The following CUEDC2 variants were observed in gnomAD, a reference collection of about 807,000 sequenced individuals.
CUEDC2 encodes CUE domain-containing protein 2.
Under a neutral mutation model 36.0 loss-of-function variants are expected in CUEDC2, and 10 were observed. The observed-to-expected ratio is 0.28, with a 90% CI of 0.17 to 0.47. The LOEUF is 0.47. Ranked by LOEUF, CUEDC2 falls within the 20% of genes least tolerant of loss-of-function variation. The pLI is 0.99. For synonymous variants in CUEDC2, 133 were observed against 141.8 expected, an observed-to-expected ratio of 0.94 and a Z score of 0.44; for missense variants, 269 against 368.1, an observed-to-expected ratio of 0.73 and a Z score of 2.20.
intron 1 of CUEDC2, among the ~76,000 whole-genome samples, chr10:102,432,224 G>A (rs915516676): frequency 2.0e-5 from 3 of 152,202 alleles, no homozygotes; most frequent in African/African-American, 7.2e-5. Flanking sequence ...ACAGGAAGTG[G>A]GACCGCGATG....
chr10:102,432,430 G>GC, intron 1 of CUEDC2, 96 bp downstream of exon 1: 1 of 152,524 alleles, frequency 6.6e-6, no homozygotes, highest in Non-Finnish European at 1.5e-5. Context: ...CGGGCCCCGG[G>GC]GGGGGTACCG....
In CUEDC2 at chr10:102,423,929, G is replaced by T; in HGVS notation, c.594+67C>A. On this transcript the variant is annotated intron_variant, in intron 6 of 8. Coordinates refer to ENST00000369937, the MANE Select transcript of CUEDC2 (RefSeq NM_024040.3). The surrounding 1 kb of genome is among the most constrained non-coding windows in gnomAD (Gnocchi z 5.6). ...GGGAAACAGATGGGGATAGGTAGGG[G>T]TTGGGGCTTAACACCAAGGTGGAAT... 5 of 1,601,942 alleles carry T rather than the reference G, an allele frequency of 3.1e-6. No individual in the cohort carries two copies. Among genetic ancestry groups the T allele is most frequent in the Non-Finnish European group, 4.3e-6 (5 of 1,173,602 alleles).
intron 1 of CUEDC2, among the ~76,000 whole-genome samples, chr10:102,430,260 C>T (rs2061612310): frequency 1.3e-5 from 2 of 151,510 alleles, no homozygotes; most frequent in Non-Finnish European, 2.9e-5. Context: ...CCTCCACCTC[C>T]TGGGTTCAAG....
At chr10:102,427,384 C>G (rs1432009153) in intron 1 of CUEDC2, among the ~76,000 whole-genome samples, 2 of 152,200 alleles carry the variant, frequency 1.3e-5, no homozygotes, top group African/African-American at 4.8e-5. Flanking sequence ...GAGCTACAGG[C>G]TTGGACATCT....
rs2061582817 is a variant in CUEDC2, at chr10:102,423,429, A to G, written c.861T>C (p.His287=). ...NLKPARKYRF[H] ...CGGGCAGAGTCCGGCGAGTGCCTCAATGGAAGCGGTACTTTCTGGCTGGCT... is the reference window on the plus strand; with the variant it reads ...CGGGCAGAGTCCGGCGAGTGCCTCAGTGGAAGCGGTACTTTCTGGCTGGCT... Residue 287 remains histidine, a synonymous_variant, in exon 9 of 9, where the codon CAT becomes CAC. Coordinates refer to ENST00000369937, the MANE Select transcript of CUEDC2 (RefSeq NM_024040.3). The surrounding 1 kb of genome is among the most constrained non-coding windows in gnomAD (Gnocchi z 5.6). The G allele has an allele frequency of 1.2e-6, 2 of 1,614,210 alleles. No individual in the cohort carries two copies. The highest frequency in any genetic ancestry group is 1.7e-6 in the Non-Finnish European group (2 of 1,180,026).
chr10:102,425,771 G>A (rs1246191203), intron 1 of CUEDC2, among the ~76,000 whole-genome samples: 1 of 151,930 alleles, frequency 6.6e-6, no homozygotes, highest in Non-Finnish European at 1.5e-5. Flanking sequence ...AGGACTATCT[G>A]CACAGCACTT....
At position 102,424,210 on chromosome 10, in the gene CUEDC2, CT is replaced by C. The variant is rs770583891; in HGVS notation, c.412-33del. ...GTACAAACGTTAACAAGAGGCAATA[CT>C]CCCCCCTTTCCAGCCCCCTGGGTCC... is the stretch of plus-strand genomic sequence containing the variant. On this transcript the variant is annotated intron_variant, in intron 5 of 8. Transcript: ENST00000369937. The surrounding 1 kb of genome is among the most constrained non-coding windows in gnomAD (Gnocchi z 4.2). The C allele has an allele frequency of 4.3e-6, 7 of 1,611,070 alleles. No individual in the cohort carries two copies. The highest frequency in any genetic ancestry group is 4.5e-5 in the East Asian group (2 of 44,840).
chr10:102,423,818 C>G lies in CUEDC2; in HGVS notation c.636G>C (p.Leu212=), dbSNP rs546600567. 1.9e-6 allele frequency: 3 copies of G among 1,613,926 alleles called. No homozygotes were observed. In the South Asian group the frequency reaches 3.3e-5, roughly 18 times the overall value. The change falls in exon 7 of 9, where the codon CTG becomes CTC. Residue 212 remains leucine, a synonymous_variant. Coordinates refer to ENST00000369937, the MANE Select transcript of CUEDC2 (RefSeq NM_024040.3). The surrounding 1 kb of genome is among the most constrained non-coding windows in gnomAD (Gnocchi z 5.6). The part of the protein sequence containing the change: ...RRLRGPQKDE[L]KSFILQKYMM... ...CTCACTTCTGCAGGATGAAGGACTT[C>G]AGCTCATCCTTTTGGGGGCCTCTGA...
chr10:102,423,620 C>T lies in CUEDC2; in HGVS notation c.717+37G>A. The T allele has an allele frequency of 3.7e-6, 6 of 1,614,194 alleles. No homozygotes were observed. The highest frequency in any genetic ancestry group is 5.1e-6 in the Non-Finnish European group (6 of 1,180,024). On this transcript the variant is annotated intron_variant, in intron 8 of 8. Transcript: ENST00000369937. This position sits in a 1 kb window ranked among gnomAD's most constrained non-coding sequence, Gnocchi z 5.6. ...TGGCAGAAGCCAGGAGCCAGTCCCA[C>T]CCATTCCGCATCCCCAGCAACCCTT...
intron 1 of CUEDC2, among the ~76,000 whole-genome samples, chr10:102,428,709 C>A (rs1410334344): frequency 1.3e-5 from 2 of 152,008 alleles, no homozygotes; most frequent in African/African-American, 4.8e-5. Flanking sequence ...CATATCAAGA[C>A]CCCATCTCTC....
chr10:102,432,431 G>GA (rs1334854584), intron 1 of CUEDC2, 95 bp downstream of exon 1: 1 of 152,502 alleles, frequency 6.6e-6, no homozygotes, highest in South Asian at 2.1e-4. Flanking sequence ...GGGCCCCGGG[G>GA]GGGGTACCGT....
intron 1 of CUEDC2, among the ~76,000 whole-genome samples, chr10:102,428,009 T>C (rs1224718693): frequency 6.6e-6 from 1 of 152,132 alleles, no homozygotes; most frequent in African/African-American, 2.4e-5. Context: ...TGGTGCCATC[T>C]TGGCTCACTG....
In CUEDC2 at chr10:102,431,315, G is replaced by T. The variant is rs1312448783; in HGVS notation, c.-11+1211C>A. Among the ~76,000 whole-genome samples the T allele has an allele frequency of 2.6e-5, 4 of 152,166 alleles. No individual in the cohort carries two copies. In the East Asian group the frequency reaches 7.8e-4, roughly 30 times the overall value. ...CCACCATGCCTGGCAAATTTATTTT[G>T]TATTTTTTAGTAGAGACGGGGTTTC... On this transcript the variant is annotated intron_variant, in intron 1 of 8. Transcript: ENST00000369937.
chr10:102,424,401 G>A lies in CUEDC2; in HGVS notation c.281-7C>T, dbSNP rs1395170539. ...CTCTGCGGTTGCAGGTTCTCTTAAAGAGGCAAAGAGAGCATCAGGTTTGCC... is the reference window on the plus strand; with the variant it reads ...CTCTGCGGTTGCAGGTTCTCTTAAAAAGGCAAAGAGAGCATCAGGTTTGCC... On this transcript the variant is annotated splice_region_variant and splice_polypyrimidine_tract_variant and intron_variant, in intron 4 of 8. Transcript: ENST00000369937. This position sits in a 1 kb window ranked among gnomAD's most constrained non-coding sequence, Gnocchi z 4.2. 1 of 1,613,642 alleles carries A rather than the reference G, an allele frequency of 6.2e-7. No individual in the cohort carries two copies. The highest frequency in any genetic ancestry group is 8.5e-7 in the Non-Finnish European group (1 of 1,179,688).
At chr10:102,425,765 C>G (rs915059273) in intron 1 of CUEDC2, among the ~76,000 whole-genome samples, 1 of 152,078 alleles carries the variant, frequency 6.6e-6, no homozygotes, top group Non-Finnish European at 1.5e-5. Context: ...CAGCTTAGGA[C>G]TATCTGCACA....
At chr10:102,431,130 TATTTA>T (rs886789685) in intron 1 of CUEDC2, among the ~76,000 whole-genome samples, 3 of 151,684 alleles carry the variant, frequency 2.0e-5, no homozygotes, top group African/African-American at 7.3e-5. Flanking sequence ...CATTTTATTT[TATTTA>T]TTTTATTTAT....
chr10:102,424,925 T>C lies in CUEDC2; in HGVS notation c.75-133A>G. On this transcript the variant is annotated intron_variant, in intron 2 of 8. Transcript: ENST00000369937. The surrounding 1 kb of genome is among the most constrained non-coding windows in gnomAD (Gnocchi z 4.2). ...CCTTTATCTTTAAGGCCAGAGAGTA[T>C]AACCCCCTCCCTCAGAGCTATGGTT... 9.5e-7 allele frequency: 1 copy of C among 1,053,910 alleles called. No homozygotes were observed. 65.3% of individuals were successfully genotyped at this position (1,053,910 alleles called of 1,614,324 possible). A position where few individuals can be genotyped will look rare whatever the true frequency, so the allele number is the denominator to read the frequency against.
intron 1 of CUEDC2, among the ~76,000 whole-genome samples, chr10:102,430,736 T>G (rs2061614160): frequency 6.6e-6 from 1 of 152,172 alleles, no homozygotes. Flanking sequence ...AGTACATCCT[T>G]CCTGCTCAGG....
In CUEDC2 at chr10:102,423,594, G is replaced by A; in HGVS notation, c.718-22C>T. ...GGGCCTGTCAGGCAATCAGCAGTGAGTGGCAGAAGCCAGGAGCCAGTCCCA... is the reference window on the plus strand; with the variant it reads ...GGGCCTGTCAGGCAATCAGCAGTGAATGGCAGAAGCCAGGAGCCAGTCCCA... On this transcript the variant is annotated intron_variant, in intron 8 of 8. Transcript: ENST00000369937. This position sits in a 1 kb window ranked among gnomAD's most constrained non-coding sequence, Gnocchi z 5.6. The A allele has an allele frequency of 6.2e-7, 1 of 1,614,206 alleles. No individual in the cohort carries two copies. The highest frequency in any genetic ancestry group is 1.7e-5 in the Admixed American group (1 of 60,020).
Sources: allele counts gnomAD v4.1 joint callset (sites outside exome capture counted in the v4.1 genomes callset), GRCh38; gene constraint gnomAD v4.1.1; non-coding constraint Gnocchi (gnomAD v3.1); transcripts MANE v1.5; gene names NCBI Gene and HGNC (gene_info 2026-07-23, HGNC 2026-07-21).